The following VWA3B variants were observed in gnomAD, a reference collection of about 807,000 sequenced individuals.
VWA3B encodes the protein von Willebrand factor A domain containing 3B.
A neutral mutation model predicts 158.3 loss-of-function variants in VWA3B; 138 were observed. That is an observed-to-expected ratio of 0.87 (90% CI 0.76 to 1.00). The LOEUF is 1.00. Among genes scored for constraint, VWA3B ranks in the 50% least tolerant of loss-of-function variants. The pLI, the probability that VWA3B is intolerant of heterozygous loss-of-function variation, is 0.00. For synonymous variants in VWA3B, 596 were observed against 587.3 expected, an observed-to-expected ratio of 1.01 and a Z score of -0.21; for missense variants, 1,555 against 1,565.1, an observed-to-expected ratio of 0.99 and a Z score of 0.11.
At chr2:98,118,631 A>G (rs1298437306) in intron 3 of VWA3B, among the ~76,000 whole-genome samples, 1 of 152,132 alleles carries the variant, frequency 6.6e-6, no homozygotes, top group Non-Finnish European at 1.5e-5. Flanking sequence ...ACACAGCGGG[A>G]GGGACAGTGA....
At chr2:98,288,311 C>T (rs1689282966) in intron 22 of VWA3B, among the ~76,000 whole-genome samples, 1 of 152,172 alleles carries the variant, frequency 6.6e-6, no homozygotes, top group South Asian at 2.1e-4. Flanking sequence ...ACTGCAAGCT[C>T]TGCCTTACCA....
chr2:98,195,944 G>A (rs576644386), intron 12 of VWA3B, among the ~76,000 whole-genome samples: 4 of 152,264 alleles, frequency 2.6e-5, no homozygotes, highest in African/African-American at 7.2e-5. Flanking sequence ...AGAAAAGAAG[G>A]AAATCCTGTC....
Position 98,104,903 on chromosome 2 carries a change from A to T in VWA3B, c.197-10749A>T, listed in dbSNP as rs528108885. ...AAAATGAAACAAGTTTTCAACACTC[A>T]TACCTCCCCTTACTCCTCACTCCTG... On this transcript the variant is annotated intron_variant, in intron 2 of 27. Coordinates refer to ENST00000477737, the MANE Select transcript of VWA3B (RefSeq NM_144992.5). 4.3e-4 allele frequency among the ~76,000 whole-genome samples: 65 copies of T among 152,306 alleles called. 1 individual carries two copies. In the South Asian group the frequency reaches 0.013, roughly 30 times the overall value.
intron 19 of VWA3B, among the ~76,000 whole-genome samples, chr2:98,241,163 G>C (rs961037147): frequency 1.3e-5 from 2 of 152,142 alleles, no homozygotes; most frequent in African/African-American, 4.8e-5. Context: ...AGACCCAGGG[G>C]AAGAGAAGGA....
intron 7 of VWA3B, among the ~76,000 whole-genome samples, chr2:98,143,202 G>A (rs1218074140): frequency 6.6e-6 from 1 of 152,028 alleles, no homozygotes. Flanking sequence ...ATCACGCCAG[G>A]CTAACTTTTG....
At chr2:98,145,005 G>A (rs538505280) in intron 7 of VWA3B, among the ~76,000 whole-genome samples, 2 of 152,362 alleles carry the variant, frequency 1.3e-5, no homozygotes, top group African/African-American at 4.8e-5. Flanking sequence ...ATGCTGCTGA[G>A]GAGAAATCTG....
the VWA3B span, among the ~76,000 whole-genome samples, chr2:98,319,897 C>T: frequency 7.4e-5 from 11 of 149,458 alleles, no homozygotes; most frequent in African/African-American, 2.7e-4. Context: ...CACACACACA[C>T]ACACACACAC....
chr2:98,115,799 A>G (rs1674489165), intron 3 of VWA3B, 53 bp downstream of exon 3: 1 of 1,435,792 alleles, frequency 7.0e-7, no homozygotes, highest in Non-Finnish European at 9.8e-7. Flanking sequence ...CTGACATCAC[A>G]TCGGAGAGTG....
chr2:98,215,954 G>A (rs1042389971), intron 13 of VWA3B, among the ~76,000 whole-genome samples: 3 of 151,984 alleles, frequency 2.0e-5, no homozygotes, highest in African/African-American at 4.8e-5. Context: ...CATGTTCTAT[G>A]TAGAAGATAT....
chr2:98,321,181 T>C, the VWA3B span, among the ~76,000 whole-genome samples: 1 of 152,060 alleles, frequency 6.6e-6, no homozygotes, highest in African/African-American at 2.4e-5. Context: ...AGAACTGAAG[T>C]TTTGGAACCT....
At chr2:98,120,883 G>A (rs2104965819) in intron 4 of VWA3B, among the ~76,000 whole-genome samples, 1 of 152,312 alleles carries the variant, frequency 6.6e-6, no homozygotes, top group South Asian at 2.1e-4. Context: ...GAAAGAATTA[G>A]AAATAAAATT....
At chr2:98,139,630 T>C (rs895553269) in intron 7 of VWA3B, among the ~76,000 whole-genome samples, 1 of 152,062 alleles carries the variant, frequency 6.6e-6, no homozygotes, top group African/African-American at 2.4e-5. Context: ...ATCTAGCTAC[T>C]CTGGTGGGGC....
chr2:98,215,536 G>A (rs1180852310), intron 13 of VWA3B, among the ~76,000 whole-genome samples: 1 of 150,190 alleles, frequency 6.7e-6, no homozygotes, highest in African/African-American at 2.5e-5. Context: ...TCTTTTCTTT[G>A]AGACAGAGTC....
At chr2:98,184,183 G>A (rs1241450275) in intron 9 of VWA3B, among the ~76,000 whole-genome samples, 1 of 152,210 alleles carries the variant, frequency 6.6e-6, no homozygotes, top group Non-Finnish European at 1.5e-5. Flanking sequence ...CCTCTCTGTG[G>A]TGTATGGTCT....
At chr2:98,253,946 G>A (rs1686959243) in intron 20 of VWA3B, among the ~76,000 whole-genome samples, 1 of 152,140 alleles carries the variant, frequency 6.6e-6, no homozygotes, top group African/African-American at 2.4e-5. Context: ...TCCCTGGACA[G>A]TAGAGCTGTT....
At chr2:98,298,373 G>GATTATTCT (rs1553439606) in intron 24 of VWA3B, among the ~76,000 whole-genome samples, 1 of 122,258 alleles carries the variant, frequency 8.2e-6, no homozygotes, top group Admixed American at 8.5e-5. Context: ...AACTACAAAA[G>GATTATTCT]ATTCTATTCT....
chr2:98,285,441 G>A (rs900874639), intron 22 of VWA3B, among the ~76,000 whole-genome samples: 1 of 151,866 alleles, frequency 6.6e-6, no homozygotes, highest in Non-Finnish European at 1.5e-5. Flanking sequence ...CATTTCTCTT[G>A]ATGAGGTATA....
intron 23 of VWA3B, among the ~76,000 whole-genome samples, chr2:98,293,214 G>A (rs1689603540): frequency 6.6e-6 from 1 of 152,186 alleles, no homozygotes; most frequent in Non-Finnish European, 1.5e-5. Flanking sequence ...TGTGCAATTA[G>A]AGGCAGAAAG....
At chr2:98,249,175 T>C (rs972649660) in intron 19 of VWA3B, among the ~76,000 whole-genome samples, 3 of 152,164 alleles carry the variant, frequency 2.0e-5, no homozygotes, top group African/African-American at 7.2e-5. Flanking sequence ...TTTGTTTAAA[T>C]ATTAATATAT....
Sources: allele counts gnomAD v4.1 joint callset (sites outside exome capture counted in the v4.1 genomes callset), GRCh38; gene constraint gnomAD v4.1.1; transcripts MANE v1.5; gene names NCBI Gene and HGNC (gene_info 2026-07-23, HGNC 2026-07-21).